GATAD2A: variants seen among roughly 807,000 people sequenced by gnomAD.
GATAD2A encodes the protein GATA zinc finger domain containing 2A, also known as transcriptional repressor p66-alpha.
GATAD2A carries 12 observed loss-of-function variants against 68.5 expected under a neutral mutation model. That is an observed-to-expected ratio of 0.18 (90% CI 0.11 to 0.28). The LOEUF is 0.28. GATAD2A is among the 10% of genes least tolerant of loss of function. GATAD2A has a pLI of 1.00. For missense variants in GATAD2A, 755 were observed against 868.5 expected (o/e 0.87, Z 1.64); for synonymous variants, 410 against 375.3 (o/e 1.09, Z -1.07).
At chr19:19,398,737 CCAA>C (rs1402950007) in intron 1 of GATAD2A, among the ~76,000 whole-genome samples, 1 of 151,192 alleles carries the variant, frequency 6.6e-6, no homozygotes, top group African/African-American at 2.4e-5. Context: ...CAGGAGTTCA[CCAA>C]CATGGTGAAA....
At chr19:19,503,100 C>T (rs946791275) in intron 11 of GATAD2A, among the ~76,000 whole-genome samples, 6 of 152,212 alleles carry the variant, frequency 3.9e-5, no homozygotes, top group South Asian at 2.1e-4. Flanking sequence ...GCGGCCCCAC[C>T]GTCCCTGGCA....
At chr19:19,451,150 G>A (rs531527734) in intron 1 of GATAD2A, among the ~76,000 whole-genome samples, 67 of 151,950 alleles carry the variant, frequency 4.4e-4, no homozygotes, top group Admixed American at 7.9e-4. Flanking sequence ...TGAGGCAGCC[G>A]GATCATGAGA....
At chr19:19,475,179 A>G (rs562010701) in intron 2 of GATAD2A, among the ~76,000 whole-genome samples, 7 of 152,288 alleles carry the variant, frequency 4.6e-5, no homozygotes, top group Admixed American at 3.3e-4. Flanking sequence ...CCGGCTGTCT[A>G]CAGGAATGCA....
In GATAD2A at chr19:19,395,925, T is replaced by A. The variant is rs116186827; in HGVS notation, c.-7+9787T>A. On this transcript the variant is annotated intron_variant, in intron 1 of 11. Coordinates refer to the GATAD2A transcript ENST00000360315. ...CTACTCTTTCTGAGCCTCAGTTTCC[T>A]CAAAATTAAACTCAAATCCTCGTTT... Among the ~76,000 whole-genome samples the A allele has an allele frequency of 4.0e-3, 606 of 152,292 alleles. 2 individuals carry two copies. Among genetic ancestry groups the A allele is most frequent in the African/African-American group, 0.014 (581 of 41,554 alleles).
At chr19:19,498,307 G>T in intron 7 of GATAD2A, 136 bp from the exon 8 acceptor site, 1 of 750,226 alleles carries the variant, frequency 1.3e-6, no homozygotes. Flanking sequence ...TCATGGCTGG[G>T]TTCACTTTTG....
upstream of GATAD2A, among the ~76,000 whole-genome samples, chr19:19,403,561 T>TAA (rs375757555): frequency 1.4e-5 from 2 of 144,250 alleles, no homozygotes; most frequent in African/African-American, 2.5e-5. Flanking sequence ...GCCTCCCTCT[T>TAA]AAAAAAAAAA....
intron 1 of GATAD2A, among the ~76,000 whole-genome samples, chr19:19,440,906 CCTTTCCTTCCTTCCCTTTCCTTCCTTTT>C (rs2054951694): frequency 6.6e-6 from 1 of 150,784 alleles, no homozygotes; most frequent in East Asian, 1.9e-4. Context: ...TCCTTCCCTT[CCTTTCCTTCCTTCCCTTTCCTTCCTTTT>C]CTTCCTTCCC....
intron 8 of GATAD2A, among the ~76,000 whole-genome samples, chr19:19,499,672 C>T (rs1028714489): frequency 6.6e-6 from 1 of 152,156 alleles, no homozygotes; most frequent in Admixed American, 6.5e-5. Context: ...TGTGGTTGCA[C>T]CCAGGGTCCC....
At position 19,505,485 on chromosome 19, in the gene GATAD2A, G is replaced by A; in HGVS notation, c.*11G>A. On this transcript the variant is annotated 3_prime_UTR_variant, in exon 12 of 12. Transcript: ENST00000683918. ...GCCACGTGGAAATAGTGCGAGCCAG[G>A]CCCCGTGGAAGACGGGCTCCCTCCT... The A allele has an allele frequency of 6.4e-7, 1 of 1,566,638 alleles. No individual in the cohort carries two copies. The highest frequency in any genetic ancestry group is 2.4e-5 in the East Asian group (1 of 41,426).
intron 2 of GATAD2A, among the ~76,000 whole-genome samples, chr19:19,482,551 A>C (rs1435824797): frequency 6.6e-6 from 1 of 152,112 alleles, no homozygotes; most frequent in African/African-American, 2.4e-5. Flanking sequence ...GTAGGAGCCC[A>C]GGTTGTCTGC....
chr19:19,464,100 C>T (rs1403159796), intron 1 of GATAD2A, among the ~76,000 whole-genome samples: 2 of 152,164 alleles, frequency 1.3e-5, no homozygotes, highest in Non-Finnish European at 2.9e-5. Flanking sequence ...ACAGGCTTCC[C>T]CAGGGTGTTT....
chr19:19,408,040 T>C (rs553802611), intron 1 of GATAD2A, among the ~76,000 whole-genome samples: 134 of 152,386 alleles, frequency 8.8e-4, no homozygotes, highest in Non-Finnish European at 1.7e-3. Context: ...AGTCTCGCTC[T>C]GTCATCCAGT....
At chr19:19,467,306 G>A (rs2057946976) in intron 2 of GATAD2A, among the ~76,000 whole-genome samples, 1 of 152,132 alleles carries the variant, frequency 6.6e-6, no homozygotes, top group Non-Finnish European at 1.5e-5. Flanking sequence ...AACCTGGGAG[G>A]CGGAGCTTGC....
At chr19:19,491,803 A>T (rs1489718699) in intron 2 of GATAD2A, among the ~76,000 whole-genome samples, 2 of 152,088 alleles carry the variant, frequency 1.3e-5, no homozygotes, top group African/African-American at 4.8e-5. Context: ...AGAGAAGAAA[A>T]TCTGGTTCAC....
chr19:19,411,370 C>T (rs547476233), intron 1 of GATAD2A, among the ~76,000 whole-genome samples: 4 of 152,322 alleles, frequency 2.6e-5, no homozygotes, highest in East Asian at 1.9e-4. Context: ...AGCCAGCATC[C>T]GGACTTCCAT....
intron 1 of GATAD2A, among the ~76,000 whole-genome samples, chr19:19,409,115 A>G (rs896153167): frequency 6.6e-6 from 1 of 151,312 alleles, no homozygotes; most frequent in Non-Finnish European, 1.5e-5. Flanking sequence ...CAAAAATGTA[A>G]TGGCCCTTAC....
At chr19:19,483,715 C>A (rs1286665522) in intron 2 of GATAD2A, among the ~76,000 whole-genome samples, 2 of 151,620 alleles carry the variant, frequency 1.3e-5, no homozygotes, top group African/African-American at 4.8e-5. Flanking sequence ...CCCGGGTTCA[C>A]GCCATTCTGC....
intron 1 of GATAD2A, among the ~76,000 whole-genome samples, chr19:19,444,126 C>T (rs2147708290): frequency 6.6e-6 from 1 of 152,254 alleles, no homozygotes; most frequent in South Asian, 2.1e-4. Flanking sequence ...GCTTCTGGGC[C>T]TCCTTCCTGT....
chr19:19,407,838 AT>A (rs1428176469), intron 1 of GATAD2A, among the ~76,000 whole-genome samples: 10 of 152,158 alleles, frequency 6.6e-5, no homozygotes, highest in African/African-American at 2.2e-4. Flanking sequence ...GATGTGGGAA[AT>A]TTGCAAGGGA....
Sources: allele counts gnomAD v4.1 joint callset (sites outside exome capture counted in the v4.1 genomes callset), GRCh38; gene constraint gnomAD v4.1.1; transcripts MANE v1.5; gene names NCBI Gene and HGNC (gene_info 2026-07-23, HGNC 2026-07-21).